Variants in OSTF1 observed in about 807,000 individuals in gnomAD.
OSTF1 encodes osteoclast-stimulating factor 1.
A neutral mutation model predicts 37.2 loss-of-function variants in OSTF1; 27 were observed. The ratio of observed to expected loss-of-function variants is 0.73; its 90% CI spans 0.54 to 1.00. The LOEUF is 1.00. Ranked by LOEUF, OSTF1 falls within the 50% of genes least tolerant of loss-of-function variation. The pLI, the probability that OSTF1 is intolerant of heterozygous loss-of-function variation, is 0.00. For synonymous variants in OSTF1, 82 were observed against 89.2 expected, an observed-to-expected ratio of 0.92 and a Z score of 0.46; for missense variants, 232 against 253.8, an observed-to-expected ratio of 0.91 and a Z score of 0.58.
At chr9:75,135,946 C>T (rs1825836300) in intron 7 of OSTF1, among the ~76,000 whole-genome samples, 1 of 152,222 alleles carries the variant, frequency 6.6e-6, no homozygotes, top group Non-Finnish European at 1.5e-5. Flanking sequence ...GAGATTGTCT[C>T]TCTGCTGTTT....
intron 9 of OSTF1, among the ~76,000 whole-genome samples, chr9:75,141,869 T>G (rs187940267): frequency 3.7e-4 from 56 of 152,234 alleles, no homozygotes; most frequent in Admixed American, 2.0e-3. Flanking sequence ...CATCTCAGCT[T>G]CCTGAGAAAA....
chr9:75,137,946 T>C (rs185521870), intron 8 of OSTF1, among the ~76,000 whole-genome samples: 8 of 152,302 alleles, frequency 5.3e-5, no homozygotes, highest in Admixed American at 2.0e-4. Flanking sequence ...AGATCCTGTC[T>C]GAGAAAGCTG....
At chr9:75,104,116 A>T (rs1372021969) in intron 1 of OSTF1, among the ~76,000 whole-genome samples, 1 of 152,074 alleles carries the variant, frequency 6.6e-6, no homozygotes, top group African/African-American at 2.4e-5. Flanking sequence ...TGGTGGCACA[A>T]GCTTGTAGTC....
At chr9:75,132,378 A>T (rs1825774500) in intron 5 of OSTF1, among the ~76,000 whole-genome samples, 1 of 152,194 alleles carries the variant, frequency 6.6e-6, no homozygotes. Context: ...TATTCTGTAG[A>T]TCAGTAGTCC....
chr9:75,088,865 G>A (rs1006857782), intron 1 of OSTF1, 139 bp downstream of exon 1: 7 of 774,096 alleles, frequency 9.0e-6, no homozygotes, highest in African/African-American at 3.5e-5. Context: ...CGGGATGGGC[G>A]CTCTTAGTTT....
At chr9:75,106,987 G>GC (rs1375032813) in intron 1 of OSTF1, among the ~76,000 whole-genome samples, 34 of 112,278 alleles carry the variant, frequency 3.0e-4, no homozygotes, top group Admixed American at 9.7e-4. Context: ...GAAAAAAAAA[G>GC]AAAAAAAAAA....
At chr9:75,091,319 A>G (rs1409144058) in intron 1 of OSTF1, among the ~76,000 whole-genome samples, 1 of 151,446 alleles carries the variant, frequency 6.6e-6, no homozygotes, top group Non-Finnish European at 1.5e-5. Context: ...CTTGTGATCC[A>G]CCCTCCTTCG....
intron 8 of OSTF1, among the ~76,000 whole-genome samples, chr9:75,139,818 A>T (rs10869510): frequency 0.088 from 13,443 of 152,302 alleles, 782 homozygotes; most frequent in Middle Eastern, 0.16. Flanking sequence ...AGAGACTAGT[A>T]TGAAAAGCAA....
chr9:75,139,250 T>C (rs1221442714), intron 8 of OSTF1, among the ~76,000 whole-genome samples: 1 of 149,082 alleles, frequency 6.7e-6, no homozygotes, highest in Non-Finnish European at 1.5e-5. Flanking sequence ...CCCAGTCTGG[T>C]CTTAAACTCC....
chr9:75,111,926 C>T lies in OSTF1; in HGVS notation c.35-5578C>T, dbSNP rs562114705. ...ACCACCTCCGCCTCCTGGGTTTAAGCGATTCTCCTGCCTCAGCCTCCTGAG... is the reference window on the plus strand; with the variant it reads ...ACCACCTCCGCCTCCTGGGTTTAAGTGATTCTCCTGCCTCAGCCTCCTGAG... On this transcript the variant is annotated intron_variant, in intron 1 of 9. Coordinates refer to ENST00000346234, the MANE Select transcript of OSTF1 (RefSeq NM_012383.5). Among the ~76,000 whole-genome samples, 5 of 134,980 alleles carry T rather than the reference C, an allele frequency of 3.7e-5. No individual in the cohort carries two copies. The South Asian group carries it at 7.1e-4, about 19-fold the overall frequency. 88.6% of individuals were successfully genotyped at this position (134,980 alleles called of 152,430 possible).
At chr9:75,116,151 T>G (rs946322296) in intron 1 of OSTF1, among the ~76,000 whole-genome samples, 1 of 151,662 alleles carries the variant, frequency 6.6e-6, no homozygotes, top group Non-Finnish European at 1.5e-5. Context: ...CAAATAAAAA[T>G]TACAATATAA....
At chr9:75,145,136 T>C (rs181183258) in intron 9 of OSTF1, among the ~76,000 whole-genome samples, 3,263 of 114,590 alleles carry the variant, frequency 0.028, 53 homozygotes, top group Non-Finnish European at 0.042. Context: ...TGTATCTGCC[T>C]GCCTATCTAT....
At chr9:75,119,942 G>A (rs543679289) in intron 2 of OSTF1, among the ~76,000 whole-genome samples, 3 of 151,418 alleles carry the variant, frequency 2.0e-5, no homozygotes, top group East Asian at 1.9e-4. Flanking sequence ...CCAGCCTGGC[G>A]ACAGAGTGAG....
chr9:75,110,434 T>C (rs1276186161), intron 1 of OSTF1, among the ~76,000 whole-genome samples: 1 of 152,228 alleles, frequency 6.6e-6, no homozygotes, highest in East Asian at 1.9e-4. Context: ...CTCATTTCTC[T>C]TTAGTGCTGA....
Position 75,099,729 on chromosome 9 carries a change from C to T in OSTF1, c.34+11003C>T, listed in dbSNP as rs202226094. On this transcript the variant is annotated intron_variant, in intron 1 of 9. Coordinates refer to ENST00000346234, the MANE Select transcript of OSTF1 (RefSeq NM_012383.5). ...CTGTAAACCCAGCTACTCGGGTGGC[C>T]GAGGCAGGAGAATAGCCTGAACCTG... Among the ~76,000 whole-genome samples, 22 of 152,002 alleles carry T rather than the reference C, an allele frequency of 1.4e-4. No homozygotes were observed. The East Asian group carries it at 4.1e-3, about 28-fold the overall frequency.
intron 5 of OSTF1, among the ~76,000 whole-genome samples, 190 bp downstream of exon 5, chr9:75,132,013 C>T (rs190917736): frequency 1.3e-5 from 2 of 152,358 alleles, no homozygotes; most frequent in East Asian, 3.9e-4. Context: ...CCAACATCTA[C>T]TACCCTAGAG....
intron 1 of OSTF1, among the ~76,000 whole-genome samples, chr9:75,110,597 A>C (rs1215042627): frequency 6.6e-6 from 1 of 152,220 alleles, no homozygotes; most frequent in African/African-American, 2.4e-5. Flanking sequence ...TCTTAAAAAG[A>C]CATAAGTGAA....
chr9:75,114,384 A>G (rs887955741), intron 1 of OSTF1, among the ~76,000 whole-genome samples: 1 of 152,170 alleles, frequency 6.6e-6, no homozygotes, highest in Non-Finnish European at 1.5e-5. Context: ...GAAATTAACT[A>G]AAATAATATT....
Position 75,145,177 on chromosome 9 carries a change from A to ATCATCTATCTAATCT in OSTF1, c.587-1506_587-1505insTCATCTATCTAATCT, listed in dbSNP as rs10701570. On this transcript the variant is annotated intron_variant, in intron 9 of 9. Coordinates refer to ENST00000346234, the MANE Select transcript of OSTF1 (RefSeq NM_012383.5). ...TATCTATCTACCTATCTATCTATCT[A>ATCATCTATCTAATCT]ATCTATCTATCGGTTTGATCTAATT... Among the ~76,000 whole-genome samples the ATCATCTATCTAATCT allele has an allele frequency of 1.5e-3, 222 of 149,064 alleles. 1 individual carries two copies. Among genetic ancestry groups the ATCATCTATCTAATCT allele is most frequent in the African/African-American group, 4.6e-3 (189 of 40,980 alleles).
Sources: allele counts gnomAD v4.1 joint callset (sites outside exome capture counted in the v4.1 genomes callset), GRCh38; gene constraint gnomAD v4.1.1; transcripts MANE v1.5; gene names NCBI Gene and HGNC (gene_info 2026-07-23, HGNC 2026-07-21).